SCD5: variants seen among roughly 807,000 people sequenced by gnomAD.
The protein encoded by SCD5 is acyl-CoA-desaturase 4.
SCD5 carries 20 observed loss-of-function variants against 30.4 expected under a neutral mutation model. The observed-to-expected ratio is 0.66, with a 90% CI of 0.46 to 0.96. The LOEUF is 0.96. SCD5 is among the 40% of genes least tolerant of loss of function. The probability of loss-of-function intolerance (pLI) is 0.00; values close to 1 mark genes in which losing one functional copy is unlikely to be tolerated. For missense variants in SCD5, 381 were observed against 443.3 expected (o/e 0.86, Z 1.26); for synonymous variants, 173 against 176.4 (o/e 0.98, Z 0.16).
chr4:82,696,294 T>C (rs1353957255), intron 2 of SCD5, among the ~76,000 whole-genome samples: 1 of 152,222 alleles, frequency 6.6e-6, no homozygotes, highest in Non-Finnish European at 1.5e-5. Context: ...TGATAAGGCA[T>C]TGAGGCAGCA....
intron 3 of SCD5, among the ~76,000 whole-genome samples, chr4:82,639,749 C>G (rs1727503540): frequency 6.6e-6 from 1 of 152,198 alleles, no homozygotes. Context: ...GTCCGCACCT[C>G]TAAGGAGGAA....
intron 1 of SCD5, among the ~76,000 whole-genome samples, chr4:82,749,774 C>T (rs745863694): frequency 2.2e-4 from 34 of 152,230 alleles, no homozygotes; most frequent in Non-Finnish European, 3.5e-4. Context: ...GATACTAACA[C>T]ATTAGAAATC....
rs144761755 is a variant in SCD5, at chr4:82,798,413, C to G, written c.125G>C (p.Arg42Pro). ...GPERPGARGQRQNIVWRNVVL... is the reference protein window; with the variant it reads ...GPERPGARGQPQNIVWRNVVL... Reference sequence around the variant, plus strand: ...GACATTCCTCCAGACGATGTTCTGCCGCTGCCCGCGCGCGCCTGGCCTCTC... The same window carrying G: ...GACATTCCTCCAGACGATGTTCTGCGGCTGCCCGCGCGCGCCTGGCCTCTC... Residue 42 changes from arginine (R) to proline (P), a missense_variant, in exon 1 of 5, where the codon CGG (arginine) becomes CCG (proline). Coordinates refer to ENST00000319540, the MANE Select transcript of SCD5 (RefSeq NM_001037582.3). 6.3e-5 allele frequency: 102 copies of G among 1,613,206 alleles called. No homozygotes were observed. Among genetic ancestry groups the G allele is most frequent in the Middle Eastern group, 1.6e-4 (1 of 6,080 alleles).
chr4:82,727,416 G>T (rs1204530130), intron 1 of SCD5, among the ~76,000 whole-genome samples: 4 of 152,190 alleles, frequency 2.6e-5, no homozygotes, highest in African/African-American at 4.8e-5. Context: ...CCCTCTATGA[G>T]TATACAGGTC....
intron 1 of SCD5, among the ~76,000 whole-genome samples, chr4:82,794,377 T>G (rs1578071441): frequency 6.6e-6 from 1 of 152,102 alleles, no homozygotes; most frequent in African/African-American, 2.4e-5. Flanking sequence ...GGGACTCGGA[T>G]GACATTTAGG....
At position 82,680,811 on chromosome 4, in the gene SCD5, A is replaced by G. The variant is rs981895171; in HGVS notation, c.465T>C (p.His155=). The G allele has an allele frequency of 1.2e-6, 2 of 1,613,562 alleles. No homozygotes were observed. Among genetic ancestry groups the G allele is most frequent in the Non-Finnish European group, 8.5e-7 (1 of 1,179,952 alleles). The change falls in exon 3 of 5, where the codon CAT becomes CAC. Residue 155 remains histidine (H), a synonymous_variant. Coordinates refer to ENST00000319540, the MANE Select transcript of SCD5 (RefSeq NM_001037582.3). ...GCTTGCGAACAAACAGCCACCCAAT[A>G]TGGGAGAAGAAGAAGCCCCGGCGGG... The part of the protein sequence containing the change: ...HNARRGFFFS[H]IGWLFVRKHR...
At chr4:82,792,989 T>C (rs960419322) in intron 1 of SCD5, among the ~76,000 whole-genome samples, 3 of 152,214 alleles carry the variant, frequency 2.0e-5, no homozygotes, top group African/African-American at 4.8e-5. Flanking sequence ...TTCATACTTG[T>C]TGGGACTATT....
chr4:82,712,289 TATATATATTTTA>T (rs1720122620), intron 1 of SCD5, among the ~76,000 whole-genome samples: 3 of 47,864 alleles, frequency 6.3e-5, no homozygotes, highest in African/African-American at 2.1e-4. Context: ...TATATATATA[TATATATATTTTA>T]TTTTTATTTT....
At chr4:82,705,620 G>A (rs868183082) in intron 1 of SCD5, among the ~76,000 whole-genome samples, 4 of 152,190 alleles carry the variant, frequency 2.6e-5, no homozygotes, top group South Asian at 2.1e-4. Context: ...ACTTTCTTCA[G>A]CAAACTTTGA....
In SCD5 at chr4:82,761,728, C is replaced by G. The variant is rs892861634; in HGVS notation, c.232+36578G>C. Among the ~76,000 whole-genome samples, 16 of 152,162 alleles carry G rather than the reference C, an allele frequency of 1.1e-4. No homozygotes were observed. In the East Asian group the frequency reaches 2.9e-3, roughly 28 times the overall value. On this transcript the variant is annotated intron_variant, in intron 1 of 4. Transcript: ENST00000319540. ...TATATCTCCCGATGCTATCCCTCCCCCCTCTCCCCACCCCACAACAGTCCC... is the reference window on the plus strand; with the variant it reads ...TATATCTCCCGATGCTATCCCTCCCGCCTCTCCCCACCCCACAACAGTCCC...
intron 1 of SCD5, among the ~76,000 whole-genome samples, chr4:82,762,744 A>G (rs1034428417): frequency 3.3e-5 from 5 of 152,242 alleles, no homozygotes; most frequent in Non-Finnish European, 7.3e-5. Context: ...AAGAAACAAC[A>G]TTGTTTATTT....
chr4:82,634,544 T>A (rs1727384178), intron 4 of SCD5, among the ~76,000 whole-genome samples: 1 of 152,160 alleles, frequency 6.6e-6, no homozygotes, highest in Non-Finnish European at 1.5e-5. Context: ...GAAAAGTTTC[T>A]TCACCCTATT....
chr4:82,766,299 G>A (rs114706809), intron 1 of SCD5, among the ~76,000 whole-genome samples: 1,700 of 152,092 alleles, frequency 0.011, 31 homozygotes, highest in Middle Eastern at 0.044. Flanking sequence ...TTTTCCCTCC[G>A]TGTACTTTTT....
At chr4:82,688,222 T>C (rs1232014754) in intron 2 of SCD5, among the ~76,000 whole-genome samples, 1 of 152,178 alleles carries the variant, frequency 6.6e-6, no homozygotes, top group African/African-American at 2.4e-5. Context: ...AGGACCAACA[T>C]GTCAACATGT....
At chr4:82,792,978 G>A (rs1722130850) in intron 1 of SCD5, among the ~76,000 whole-genome samples, 2 of 152,138 alleles carry the variant, frequency 1.3e-5, no homozygotes. Context: ...CTCAATCTAT[G>A]TTCATACTTG....
rs142961610 is a variant in SCD5, at chr4:82,696,063, T to C, written c.363+9220A>G. Among the ~76,000 whole-genome samples, 185 of 152,364 alleles carry C rather than the reference T, an allele frequency of 1.2e-3. 1 individual carries two copies. In the East Asian group the frequency reaches 0.031, roughly 26 times the overall value. ...TTCTTCATAAGCACATAGTGGCTTA[T>C]GCACTTTTAAATGTAGTGGTAATTA... is the stretch of plus-strand genomic sequence containing the variant. On this transcript the variant is annotated intron_variant, in intron 2 of 4. Transcript: ENST00000319540.
chr4:82,730,593 T>TTC (rs1720616719), intron 1 of SCD5, among the ~76,000 whole-genome samples: 1 of 147,888 alleles, frequency 6.8e-6, no homozygotes, highest in East Asian at 2.0e-4. Context: ...TTCTTTTTTT[T>TTC]TTTTTTTTTT....
At position 82,650,098 on chromosome 4, in the gene SCD5, T is replaced by C. The variant is rs141092698; in HGVS notation, c.570-13275A>G. ...CTGTAGGTCTCAGCCGTAGGTTGTC[T>C]AGTGCTCTCTATAAACTAGGTAGTA... On this transcript the variant is annotated intron_variant, in intron 3 of 4. Coordinates refer to ENST00000319540, the MANE Select transcript of SCD5 (RefSeq NM_001037582.3). Among the ~76,000 whole-genome samples, 876 of 152,284 alleles carry C rather than the reference T, an allele frequency of 5.8e-3. 10 individuals are homozygous for C. Among genetic ancestry groups the C allele is most frequent in the African/African-American group, 0.02 (827 of 41,560 alleles).
chr4:82,753,787 C>A (rs896826196), intron 1 of SCD5, among the ~76,000 whole-genome samples: 1 of 151,874 alleles, frequency 6.6e-6, no homozygotes, highest in East Asian at 1.9e-4. Context: ...CAGCACATAC[C>A]CCCCTGACAG....
Sources: gnomAD v4.1 joint callset for allele counts (sites outside exome capture counted in the v4.1 genomes callset) on GRCh38, gnomAD v4.1.1 for gene constraint, MANE v1.5 for transcripts, NCBI Gene and HGNC (gene_info 2026-07-23, HGNC 2026-07-21) for gene names.